Variants in MYLK observed in about 807,000 individuals in gnomAD.
The protein encoded by MYLK is myosin light chain kinase, smooth muscle.
A neutral mutation model predicts 203.4 loss-of-function variants in MYLK; 106 were observed. The ratio of observed to expected loss-of-function variants is 0.52; its 90% CI spans 0.45 to 0.61. The LOEUF (loss-of-function observed/expected upper bound fraction) is 0.61, where lower values mean the gene tolerates loss of function less well. MYLK is among the 20% of genes least tolerant of loss of function. MYLK has a pLI of 0.00. For synonymous variants in MYLK, 867 were observed against 959.5 expected (o/e 0.90, Z 1.78); for missense variants, 2,072 against 2,442.3 (o/e 0.85, Z 3.20).
At chr3:123,769,753 G>A (rs1269816699) in intron 4 of MYLK, among the ~76,000 whole-genome samples, 1 of 152,136 alleles carries the variant, frequency 6.6e-6, no homozygotes, top group Admixed American at 6.5e-5. Flanking sequence ...ACAAAGCTTT[G>A]GCTCACTGGT....
chr3:123,791,104 C>T (rs999148075), intron 4 of MYLK, among the ~76,000 whole-genome samples: 4 of 152,084 alleles, frequency 2.6e-5, no homozygotes, highest in Non-Finnish European at 5.9e-5. Flanking sequence ...TAGAACAGGA[C>T]CTGGAGGGAG....
At chr3:123,832,561 T>C (rs1345490152) in intron 2 of MYLK, among the ~76,000 whole-genome samples, 1 of 152,202 alleles carries the variant, frequency 6.6e-6, no homozygotes, top group Admixed American at 6.5e-5. Flanking sequence ...TCTTAATCCC[T>C]GATGCAACAG....
intron 24 of MYLK, among the ~76,000 whole-genome samples, chr3:123,649,895 C>T (rs2059150885): frequency 1.3e-5 from 2 of 152,110 alleles, no homozygotes; most frequent in South Asian, 2.1e-4. Flanking sequence ...CTTTGAGTTG[C>T]GTCTTACAGG....
In MYLK at chr3:123,811,928, A is replaced by C. The variant is rs577389840; in HGVS notation, c.-3-18084T>G. Among the ~76,000 whole-genome samples the C allele has an allele frequency of 3.9e-5, 6 of 152,280 alleles. No homozygotes were observed. In the South Asian group the frequency reaches 1.2e-3, roughly 32 times the overall value. On this transcript the variant is annotated intron_variant, in intron 3 of 33. Transcript: ENST00000360304. ...CTATTAAATTAACAATTCACTTCTAACTACTAACCCCCATTTCTAACAGTT... is the reference window on the plus strand; with the variant it reads ...CTATTAAATTAACAATTCACTTCTACCTACTAACCCCCATTTCTAACAGTT...
chr3:123,832,981 G>A (rs2066379892), intron 2 of MYLK, among the ~76,000 whole-genome samples: 1 of 152,210 alleles, frequency 6.6e-6, no homozygotes, highest in South Asian at 2.1e-4. Context: ...TGAGTTTAGG[G>A]TTGTGGCTTC....
chr3:123,657,172 C>T lies in MYLK; in HGVS notation c.4242G>A (p.Glu1414=). 5 of 1,614,206 alleles carry T rather than the reference C, an allele frequency of 3.1e-6. No individual in the cohort carries two copies. Among genetic ancestry groups the T allele is most frequent in the Non-Finnish European group, 4.2e-6 (5 of 1,180,050 alleles). ...VRAINVYGTS[E]PSQESELTTV... ...TTGTGAGTTCAGACTCCTGGCTTGGCTCACTGGTTCCATACACGTTGATTG... is the reference window on the plus strand; with the variant it reads ...TTGTGAGTTCAGACTCCTGGCTTGGTTCACTGGTTCCATACACGTTGATTG... Residue 1414 remains glutamate, a synonymous_variant, in exon 24 of 34, where the codon GAG becomes GAA. Transcript: ENST00000360304.
intron 4 of MYLK, among the ~76,000 whole-genome samples, chr3:123,757,289 G>A (rs573696723): frequency 1.3e-5 from 2 of 152,324 alleles, no homozygotes; most frequent in East Asian, 3.8e-4. Context: ...TGTCCCTATA[G>A]GTCCTCCAAG....
intron 12 of MYLK, among the ~76,000 whole-genome samples, chr3:123,722,859 G>C (rs1005171459): frequency 6.6e-6 from 1 of 152,002 alleles, no homozygotes; most frequent in African/African-American, 2.4e-5. Flanking sequence ...TATGCAATTA[G>C]GTGTATTTTA....
In MYLK at chr3:123,629,564, G is replaced by A; in HGVS notation, c.5024C>T (p.Ser1675Leu). The change falls in exon 30 of 34, where the codon TCA becomes TTA. Residue 1675 changes from serine (S) to leucine (L), a missense_variant. By Grantham distance (145) the Ser-to-Leu change is moderately radical. Transcript: ENST00000360304. The surrounding 1 kb of genome is among the most constrained non-coding windows in gnomAD (Gnocchi z 4.4). ...CTCGTCGTCGAAGTCCCAGGTGGCT[G>A]AGGTAACGTTGGCCAAGGTTTCGTT... Reference protein sequence around the residue: ...NDNETLANVTSATWDFDDEAF... With the variant: ...NDNETLANVTLATWDFDDEAF... 2 of 1,614,202 alleles carry A rather than the reference G, an allele frequency of 1.2e-6. No homozygotes were observed. The highest frequency in any genetic ancestry group is 1.7e-6 in the Non-Finnish European group (2 of 1,180,028).
At chr3:123,838,961 G>A (rs915060149) in intron 2 of MYLK, among the ~76,000 whole-genome samples, 2 of 152,056 alleles carry the variant, frequency 1.3e-5, no homozygotes, top group Non-Finnish European at 2.9e-5. Flanking sequence ...CAGGCATGGC[G>A]GCACGTGCCT....
At chr3:123,643,880 T>C (rs2058922356) in intron 27 of MYLK, among the ~76,000 whole-genome samples, 2 of 152,210 alleles carry the variant, frequency 1.3e-5, no homozygotes, top group Admixed American at 1.3e-4. Flanking sequence ...AGCACAAACA[T>C]GAGATGAGCC....
intron 3 of MYLK, among the ~76,000 whole-genome samples, chr3:123,822,898 G>C (rs1305421624): frequency 6.6e-6 from 1 of 152,164 alleles, no homozygotes; most frequent in Admixed American, 6.5e-5. Flanking sequence ...CTTTTGGAGT[G>C]AGGCAGTTAA....
At chr3:123,666,018 GA>G in intron 22 of MYLK, among the ~76,000 whole-genome samples, 200 bp downstream of exon 22, 1 of 152,334 alleles carries the variant, frequency 6.6e-6, no homozygotes, top group African/African-American at 2.4e-5. Context: ...CAAAGGCGGG[GA>G]TTATTGGTAG....
chr3:123,883,213 C>T (rs186746856), intron 1 of MYLK, among the ~76,000 whole-genome samples: 7 of 152,110 alleles, frequency 4.6e-5, no homozygotes, highest in South Asian at 2.1e-4. Context: ...GTGGGGTGGG[C>T]GGGTCATTGC....
chr3:123,725,817 C>T, intron 12 of MYLK, 127 bp downstream of exon 12: 1 of 1,403,722 alleles, frequency 7.1e-7, no homozygotes, highest in South Asian at 1.4e-5. Context: ...CTCTTTGTGC[C>T]CTGTGCTTCC....
At chr3:123,723,069 A>G (rs2062151381) in intron 12 of MYLK, among the ~76,000 whole-genome samples, 1 of 150,216 alleles carries the variant, frequency 6.7e-6, no homozygotes, top group African/African-American at 2.5e-5. Flanking sequence ...CATTTCCAGG[A>G]AAAAAAAAAT....
intron 11 of MYLK, among the ~76,000 whole-genome samples, chr3:123,726,887 G>C (rs746978244): frequency 5.9e-5 from 9 of 152,154 alleles, no homozygotes; most frequent in Non-Finnish European, 1.0e-4. Flanking sequence ...GCTGAGAAAA[G>C]GTGGAACTGG....
intron 20 of MYLK, among the ~76,000 whole-genome samples, chr3:123,667,413 C>T (rs543013328): frequency 6.6e-6 from 1 of 152,032 alleles, no homozygotes; most frequent in Non-Finnish European, 1.5e-5. Flanking sequence ...ACCAGCCTGG[C>T]CAGCGTGGTG....
intron 13 of MYLK, among the ~76,000 whole-genome samples, chr3:123,715,582 C>T (rs1426846106): frequency 6.6e-6 from 1 of 152,162 alleles, no homozygotes; most frequent in East Asian, 1.9e-4. Context: ...GAGCAGTTTG[C>T]TACCTCTTGC....
Sources: gnomAD v4.1 joint callset for allele counts (sites outside exome capture counted in the v4.1 genomes callset) on GRCh38, gnomAD v4.1.1 for gene constraint, Gnocchi (gnomAD v3.1) non-coding constraint, MANE v1.5 for transcripts, NCBI Gene and HGNC (gene_info 2026-07-23, HGNC 2026-07-21) for gene names.